The following RIN3 variants were observed in gnomAD, a reference collection of about 807,000 sequenced individuals.
RIN3 encodes RAB5 interacting protein 3.
RIN3 carries 54 observed loss-of-function variants against 76.3 expected under a neutral mutation model. The ratio of observed to expected loss-of-function variants is 0.71; its 90% CI spans 0.57 to 0.89. RIN3 has a LOEUF of 0.89. RIN3 is among the 40% of genes least tolerant of loss of function. The probability of loss-of-function intolerance (pLI) is 0.00; values close to 1 mark genes in which losing one functional copy is unlikely to be tolerated. For synonymous variants in RIN3, 576 were observed against 564.0 expected (o/e 1.02, Z -0.30); for missense variants, 1,256 against 1,322.1 (o/e 0.95, Z 0.78).
chr14:92,612,188 A>G (rs9788533), intron 3 of RIN3, among the ~76,000 whole-genome samples: 60,263 of 152,024 alleles, frequency 0.4, 12,339 homozygotes, highest in Admixed American at 0.52. Flanking sequence ...CACCTGTTTT[A>G]TAGGTGAAGA....
In RIN3 at chr14:92,688,251, G is replaced by A; in HGVS notation, c.2957G>A (p.Ter986=). 6.3e-7 allele frequency: 1 copy of A among 1,579,350 alleles called. No individual in the cohort carries two copies. The highest frequency in any genetic ancestry group is 8.6e-7 in the Non-Finnish European group (1 of 1,164,750). ...CLVVREPNFL[*] ...GTGGTGCGGGAGCCCAACTTCCTGT[G>A]AGGCCCTCCCGGGGCGCCTCCCCTC... Residue 986 remains the stop codon, a stop_retained_variant, in exon 10 of 10, where the codon TGA becomes TAA. Transcript: ENST00000216487.
At chr14:92,598,087 G>A (rs1456779311) in intron 3 of RIN3, among the ~76,000 whole-genome samples, 1 of 152,150 alleles carries the variant, frequency 6.6e-6, no homozygotes, top group Non-Finnish European at 1.5e-5. Context: ...TAAAGCAGAA[G>A]TGACACTATG....
chr14:92,602,318 C>T (rs921856797), intron 3 of RIN3, among the ~76,000 whole-genome samples: 2 of 152,226 alleles, frequency 1.3e-5, no homozygotes, highest in Non-Finnish European at 2.9e-5. Context: ...GGGGACTGCC[C>T]GATGACAGGG....
Position 92,688,186 on chromosome 14 carries a change from C to CGGTGGT in RIN3, c.2895_2900dup (p.Gly971_Gly972dup). The CGGTGGT allele has an allele frequency of 6.5e-7, 1 of 1,541,428 alleles. No individual in the cohort carries two copies. Among genetic ancestry groups the CGGTGGT allele is most frequent in the Non-Finnish European group, 8.7e-7 (1 of 1,152,748 alleles). ...TCCACTTTGTCTACCGGCCCCTGGACGGTGGTGGCGGCGGCGGCGGCGGGA... is the reference window on the plus strand; with the variant it reads ...TCCACTTTGTCTACCGGCCCCTGGACGGTGGTGGTGGTGGCGGCGGCGGCGGCGGGA... On this transcript the variant is annotated inframe_insertion, in exon 10 of 10. Coordinates refer to ENST00000216487, the MANE Select transcript of RIN3 (RefSeq NM_024832.5).
At chr14:92,664,196 G>T (rs572125058) in intron 7 of RIN3, among the ~76,000 whole-genome samples, 1 of 152,192 alleles carries the variant, frequency 6.6e-6, no homozygotes, top group South Asian at 2.1e-4. Flanking sequence ...TACACATGGG[G>T]TTCTGCATGG....
At chr14:92,603,152 A>G (rs1885404860) in intron 3 of RIN3, among the ~76,000 whole-genome samples, 1 of 152,196 alleles carries the variant, frequency 6.6e-6, no homozygotes. Flanking sequence ...TGCGGACTGG[A>G]CAGGTGTTGG....
intron 8 of RIN3, among the ~76,000 whole-genome samples, chr14:92,683,129 T>C (rs1888726238): frequency 1.3e-5 from 2 of 151,890 alleles, no homozygotes; most frequent in African/African-American, 4.8e-5. Flanking sequence ...ATCACGCCAT[T>C]GCACTGCAGC....
At position 92,551,931 on chromosome 14, in the gene RIN3, A is replaced by G. The variant is rs555176124; in HGVS notation, c.45-3820A>G. Among the ~76,000 whole-genome samples the G allele has an allele frequency of 2.6e-5, 4 of 152,314 alleles. No homozygotes were observed. The South Asian group carries it at 6.2e-4, about 24-fold the overall frequency. On this transcript the variant is annotated intron_variant, in intron 1 of 9. Transcript: ENST00000216487. The stretch of plus-strand genomic sequence containing the variant: ...ATCATTGCTTTCTGTGTCTGGTCTA[A>G]TGCTTTTGCCTGCCAGTTGGAAATA...
rs1886185595 is a variant in RIN3, at chr14:92,621,589, A to G, written c.440+6110A>G. Among the ~76,000 whole-genome samples, 2 of 152,198 alleles carry G rather than the reference A, an allele frequency of 1.3e-5. 1 individual carries two copies. The highest frequency in any genetic ancestry group is 3.8e-4 in the East Asian group (2 of 5,198). ...GGCTATAGGTAAATTTAAACATTTT[A>G]TGGTTGACAATTGATTGAGTTTTTG... On this transcript the variant is annotated intron_variant, in intron 4 of 9. Transcript: ENST00000216487.
intron 5 of RIN3, among the ~76,000 whole-genome samples, chr14:92,649,698 T>C (rs1221742804): frequency 2.6e-5 from 4 of 152,308 alleles, no homozygotes; most frequent in Non-Finnish European, 5.9e-5. Flanking sequence ...GTCCAGGCCC[T>C]GGGAGAGGCC....
chr14:92,685,190 C>T lies in RIN3; in HGVS notation c.2631+40C>T. Reference sequence around the variant, plus strand: ...CGGGAGGGGCCCGGTGGGGCCATGTCCCAGACACCATCCCTGCTGCCTGCT... The same window carrying T: ...CGGGAGGGGCCCGGTGGGGCCATGTTCCAGACACCATCCCTGCTGCCTGCT... On this transcript the variant is annotated intron_variant, in intron 9 of 9. Coordinates refer to ENST00000216487, the MANE Select transcript of RIN3 (RefSeq NM_024832.5). The surrounding 1 kb of genome is among the most constrained non-coding windows in gnomAD (Gnocchi z 4.7). 1.3e-6 allele frequency: 2 copies of T among 1,541,952 alleles called. No individual in the cohort carries two copies. Among genetic ancestry groups the T allele is most frequent in the Non-Finnish European group, 8.8e-7 (1 of 1,136,730 alleles).
chr14:92,561,188 G>A (rs914641727), intron 2 of RIN3, among the ~76,000 whole-genome samples: 3 of 143,258 alleles, frequency 2.1e-5, no homozygotes, highest in African/African-American at 7.8e-5. Flanking sequence ...CACCATGGGT[G>A]GTCCCCAGGC....
rs188314330 is a variant in RIN3, at chr14:92,650,668, C to G, written c.533-914C>G. 1.4e-4 allele frequency among the ~76,000 whole-genome samples: 22 copies of G among 152,300 alleles called. No individual in the cohort carries two copies. The East Asian group carries it at 4.2e-3, about 29-fold the overall frequency. On this transcript the variant is annotated intron_variant, in intron 5 of 9. Coordinates refer to ENST00000216487, the MANE Select transcript of RIN3 (RefSeq NM_024832.5). ...GAAGCTTGAGTGAACGCAGGGTGGC[C>G]TATGCACTGACTGCAATTGTTCCCA... is the stretch of plus-strand genomic sequence containing the variant.
In RIN3 at chr14:92,555,875, A is replaced by G. The variant is rs1897562081; in HGVS notation, c.169A>G (p.Ile57Val). 1 of 1,613,312 alleles carries G rather than the reference A, an allele frequency of 6.2e-7. No homozygotes were observed. The highest frequency in any genetic ancestry group is 1.3e-5 in the African/African-American group (1 of 74,918). Residue 57 changes from isoleucine to valine, a missense_variant, in exon 2 of 10, where the codon ATC becomes GTC. Coordinates refer to ENST00000216487, the MANE Select transcript of RIN3 (RefSeq NM_024832.5). Reference protein sequence around the residue: ...RRGISILEKLIKTCPVWLQLS... With the variant: ...RRGISILEKLVKTCPVWLQLS... ...GGGCATCAGCATCCTGGAGAAGCTC[A>G]TCAAAACATGCCCGGTGTGGCTGCA... is the stretch of plus-strand genomic sequence containing the variant.
chr14:92,684,087 T>A (rs1469688567), intron 8 of RIN3, among the ~76,000 whole-genome samples: 1 of 152,054 alleles, frequency 6.6e-6, no homozygotes, highest in Non-Finnish European at 1.5e-5. Context: ...GTGTCAAAAA[T>A]CAATCACACA....
At position 92,681,877 on chromosome 14, in the gene RIN3, CTT is replaced by C. The variant is rs943379461; in HGVS notation, c.2468-3109_2468-3108del. Among the ~76,000 whole-genome samples the C allele has an allele frequency of 3.5e-4, 54 of 152,166 alleles. No individual in the cohort carries two copies. The highest frequency in any genetic ancestry group is 1.2e-3 in the African/African-American group (49 of 41,508). On this transcript the variant is annotated intron_variant, in intron 8 of 9. Coordinates refer to ENST00000216487, the MANE Select transcript of RIN3 (RefSeq NM_024832.5). The surrounding 1 kb of genome is among the most constrained non-coding windows in gnomAD (Gnocchi z 4.7). ...AATTTAGTTTTTTCAAAAAATGTCT[CTT>C]ATTTATTTTTATTTTTTTTTAATTT...
Position 92,656,928 on chromosome 14 carries a change from G to A in RIN3, c.2027-2233G>A, listed in dbSNP as rs1158356582. ...TTGGTGACCTGGCCATGAGGACAGA[G>A]CTGGTAGTAGAGCTGGGCTTCAGAC... On this transcript the variant is annotated intron_variant, in intron 6 of 9. Transcript: ENST00000216487. This position sits in a 1 kb window ranked among gnomAD's most constrained non-coding sequence, Gnocchi z 5.2. 9.2e-5 allele frequency among the ~76,000 whole-genome samples: 14 copies of A among 152,232 alleles called. No individual in the cohort carries two copies. The highest frequency in any genetic ancestry group is 7.9e-4 in the Admixed American group (12 of 15,286).
intron 1 of RIN3, among the ~76,000 whole-genome samples, chr14:92,553,764 C>A (rs1425121058): frequency 6.6e-6 from 1 of 152,086 alleles, no homozygotes; most frequent in Admixed American, 6.5e-5. Context: ...CCTTGACACA[C>A]CCCTCCTCAT....
Position 92,530,148 on chromosome 14 carries a change from C to T in RIN3, c.44+16172C>T, listed in dbSNP as rs571454864. Among the ~76,000 whole-genome samples, 61 of 152,112 alleles carry T rather than the reference C, an allele frequency of 4.0e-4. 1 individual carries two copies. Among genetic ancestry groups the T allele is most frequent in the African/African-American group, 1.4e-3 (60 of 41,478 alleles). ...AAATCTTCCCCTAACCTCTCCCCTGCACTGTGCACACTTCTACCATCAGCA... is the reference window on the plus strand; with the variant it reads ...AAATCTTCCCCTAACCTCTCCCCTGTACTGTGCACACTTCTACCATCAGCA... On this transcript the variant is annotated intron_variant, in intron 1 of 9. Transcript: ENST00000216487.
Sources: allele counts gnomAD v4.1 joint callset (sites outside exome capture counted in the v4.1 genomes callset), GRCh38; gene constraint gnomAD v4.1.1; non-coding constraint Gnocchi (gnomAD v3.1); transcripts MANE v1.5; gene names NCBI Gene and HGNC (gene_info 2026-07-23, HGNC 2026-07-21).